GFRA2: variants seen among roughly 807,000 people sequenced by gnomAD.
GFRA2 encodes the protein GDNF family receptor alpha-2.
GFRA2 carries 17 observed loss-of-function variants against 48.3 expected under a neutral mutation model. The ratio of observed to expected loss-of-function variants is 0.35; its 90% CI spans 0.24 to 0.53. The LOEUF (loss-of-function observed/expected upper bound fraction) is 0.53, where lower values mean the gene tolerates loss of function less well. GFRA2 is among the 20% of genes least tolerant of loss of function. The pLI is 0.93. For synonymous variants in GFRA2, 305 were observed against 257.2 expected, an observed-to-expected ratio of 1.19 and a Z score of -1.78; for missense variants, 660 against 637.3, an observed-to-expected ratio of 1.04 and a Z score of -0.38.
intron 7 of GFRA2, among the ~76,000 whole-genome samples, chr8:21,694,998 T>C (rs1224141699): frequency 6.6e-6 from 1 of 152,166 alleles, no homozygotes; most frequent in African/African-American, 2.4e-5. Flanking sequence ...TGGAGGGCTC[T>C]ATATAAAAAG....
intron 4 of GFRA2, among the ~76,000 whole-genome samples, chr8:21,709,985 A>G (rs1585238197): frequency 6.6e-6 from 1 of 152,098 alleles, no homozygotes; most frequent in Admixed American, 6.5e-5. Context: ...GAGAGGCGGG[A>G]GTAGAGGAAG....
chr8:21,774,703 G>T (rs1310834747), intron 3 of GFRA2, among the ~76,000 whole-genome samples: 1 of 152,164 alleles, frequency 6.6e-6, no homozygotes, highest in Non-Finnish European at 1.5e-5. Context: ...ATAGAAGGGT[G>T]ACACCAGGTT....
intron 3 of GFRA2, among the ~76,000 whole-genome samples, chr8:21,759,469 GGAGGGAAA>G (rs1401355910): frequency 8.3e-5 from 9 of 108,932 alleles, no homozygotes; most frequent in African/African-American, 3.4e-4. Context: ...AGGGAGGGAG[GGAGGGAAA>G]GAAGGAAAGA....
At chr8:21,742,903 A>T (rs1477263567) in intron 4 of GFRA2, among the ~76,000 whole-genome samples, 9 of 152,154 alleles carry the variant, frequency 5.9e-5, no homozygotes, top group Admixed American at 3.9e-4. Flanking sequence ...AAGCCTGTAA[A>T]GTTAAGGTGA....
chr8:21,735,811 C>A (rs1207663249), intron 4 of GFRA2, among the ~76,000 whole-genome samples: 1 of 151,782 alleles, frequency 6.6e-6, no homozygotes, highest in Non-Finnish European at 1.5e-5. Context: ...GGACTACGGG[C>A]CCATGCCACC....
intron 1 of GFRA2, among the ~76,000 whole-genome samples, chr8:21,811,025 A>G (rs1807968091): frequency 6.6e-6 from 1 of 152,184 alleles, no homozygotes; most frequent in Admixed American, 6.5e-5. Context: ...CTCTCCAGAA[A>G]ACCGATTTTT....
chr8:21,737,416 G>C (rs1804522510), intron 4 of GFRA2, among the ~76,000 whole-genome samples: 1 of 151,542 alleles, frequency 6.6e-6, no homozygotes, highest in African/African-American at 2.4e-5. Context: ...TCCTAATCTA[G>C]GACCCCCTCC....
chr8:21,726,711 G>A (rs1437685056), intron 4 of GFRA2, among the ~76,000 whole-genome samples: 1 of 151,174 alleles, frequency 6.6e-6, no homozygotes, highest in African/African-American at 2.4e-5. Flanking sequence ...CCACCCTAAT[G>A]TGGTATGATC....
At chr8:21,694,402 G>A in intron 8 of GFRA2, 62 bp downstream of exon 8, 2 of 1,493,288 alleles carry the variant, frequency 1.3e-6, no homozygotes, top group Non-Finnish European at 1.8e-6. Flanking sequence ...GGCTCGCCGG[G>A]GAAATGCCGC....
chr8:21,703,533 C>T (rs140723931), intron 6 of GFRA2, among the ~76,000 whole-genome samples: 1 of 152,182 alleles, frequency 6.6e-6, no homozygotes, highest in Admixed American at 6.5e-5. Context: ...TCCGCCTCCA[C>T]GAGCCACACA....
chr8:21,711,688 C>CTTTTTTTTTTTTTT (rs1198915473), intron 4 of GFRA2, among the ~76,000 whole-genome samples: 7 of 132,596 alleles, frequency 5.3e-5, no homozygotes, highest in African/African-American at 1.8e-4. Flanking sequence ...AACAGTTTTT[C>CTTTTTTTTTTTTTT]TTTTTTTTTT....
chr8:21,788,079 T>G, intron 1 of GFRA2, 41 bp downstream of exon 1: 3 of 502,112 alleles, frequency 6.0e-6, no homozygotes, highest in Non-Finnish European at 9.5e-6. Context: ...CCTCCCCGGC[T>G]TCTCGCCTCC....
chr8:21,797,071 G>A (rs1358797076), intron 2 of GFRA2, among the ~76,000 whole-genome samples: 3 of 152,134 alleles, frequency 2.0e-5, no homozygotes, highest in African/African-American at 4.8e-5. Context: ...CTGGGCCAAG[G>A]TGTCCTAACT....
chr8:21,729,158 C>G (rs1804048919), intron 4 of GFRA2, among the ~76,000 whole-genome samples: 6 of 152,144 alleles, frequency 3.9e-5, no homozygotes. Flanking sequence ...TCTGGCTGAG[C>G]TGTGGGGCAT....
intron 6 of GFRA2, among the ~76,000 whole-genome samples, chr8:21,703,346 C>T (rs1213792256): frequency 6.6e-6 from 1 of 152,102 alleles, no homozygotes; most frequent in Non-Finnish European, 1.5e-5. Context: ...CAAAGCTCCT[C>T]ACCCCCAGCT....
intron 4 of GFRA2, among the ~76,000 whole-genome samples, chr8:21,727,616 A>C (rs1268630336): frequency 6.6e-6 from 1 of 152,140 alleles, no homozygotes; most frequent in Non-Finnish European, 1.5e-5. Context: ...CCCCAAGGCC[A>C]GGCATGCTCC....
At chr8:21,756,215 T>C (rs1805562751) in intron 3 of GFRA2, among the ~76,000 whole-genome samples, 1 of 152,182 alleles carries the variant, frequency 6.6e-6, no homozygotes. Context: ...CTCCGTGGCT[T>C]CCATTTGGAG....
chr8:21,694,127 G>A (rs903819157), intron 8 of GFRA2, among the ~76,000 whole-genome samples: 7 of 138,040 alleles, frequency 5.1e-5, no homozygotes, highest in African/African-American at 1.8e-4. Context: ...GGGAAGAACT[G>A]TGTCTGTTTC....
intron 3 of GFRA2, among the ~76,000 whole-genome samples, chr8:21,766,384 G>A (rs1389698623): frequency 2.0e-5 from 3 of 151,978 alleles, no homozygotes; most frequent in East Asian, 3.9e-4. Context: ...AACTCCATAC[G>A]AGCAGCACCC....
Sources: allele counts gnomAD v4.1 joint callset (sites outside exome capture counted in the v4.1 genomes callset), GRCh38; gene constraint gnomAD v4.1.1; transcripts MANE v1.5; gene names NCBI Gene and HGNC (gene_info 2026-07-23, HGNC 2026-07-21).